Variants in MAF observed in about 807,000 individuals in gnomAD.
The protein encoded by MAF is MAF bZIP transcription factor, also known as transcription factor Maf.
In MAF, 10 loss-of-function variants were observed where a neutral mutation model predicts 22.0. The ratio of observed to expected loss-of-function variants is 0.45; its 90% confidence interval spans 0.28 to 0.77. The LOEUF (loss-of-function observed/expected upper bound fraction) is 0.77, where lower values mean the gene tolerates loss of function less well. MAF is among the 30% of genes least tolerant of loss of function. MAF has a pLI of 0.12. For missense variants in MAF, 544 were observed against 548.4 expected, an observed-to-expected ratio of 0.99 and a Z score of 0.08; for synonymous variants, 337 against 255.8, an observed-to-expected ratio of 1.32 and a Z score of -3.03.
At chr16:79,518,261 G>A in the MAF span, among the ~76,000 whole-genome samples, 4 of 152,228 alleles carry the variant, frequency 2.6e-5, no homozygotes, top group African/African-American at 9.6e-5. Flanking sequence ...ACCTGTGCCA[G>A]TGCATGATAC....
the MAF span, among the ~76,000 whole-genome samples, chr16:79,449,377 A>G: frequency 6.6e-6 from 1 of 152,316 alleles, no homozygotes; most frequent in Admixed American, 6.5e-5. Flanking sequence ...AACCAAAAAA[A>G]TCATGTGACT....
the MAF span, among the ~76,000 whole-genome samples, chr16:79,468,504 G>A: frequency 3.3e-5 from 5 of 152,220 alleles, no homozygotes; most frequent in African/African-American, 7.2e-5. Flanking sequence ...CCTCAAGAAT[G>A]TATTTTGGTG....
At chr16:79,332,962 C>T in the MAF span, among the ~76,000 whole-genome samples, 6 of 152,230 alleles carry the variant, frequency 3.9e-5, no homozygotes, top group Non-Finnish European at 7.3e-5. Context: ...TTTTGCACGT[C>T]ACTGCCCAGC....
chr16:79,425,663 AT>A, the MAF span, among the ~76,000 whole-genome samples: 6,405 of 145,418 alleles, frequency 0.044, 289 homozygotes, highest in African/African-American at 0.12. Context: ...ATCAATTTAG[AT>A]TTTTTTTTTT....
the MAF span, among the ~76,000 whole-genome samples, chr16:79,574,561 T>C: frequency 6.6e-6 from 1 of 152,256 alleles, no homozygotes; most frequent in South Asian, 2.1e-4. Flanking sequence ...ACTTCACTGA[T>C]TTCGTGAGAC....
the MAF span, among the ~76,000 whole-genome samples, chr16:79,268,793 C>T: frequency 6.6e-6 from 1 of 152,184 alleles, no homozygotes; most frequent in African/African-American, 2.4e-5. Flanking sequence ...CTGCCGGCCA[C>T]CTGGGGCAGC....
the MAF span, among the ~76,000 whole-genome samples, chr16:79,343,052 C>G: frequency 9.2e-5 from 14 of 152,304 alleles, no homozygotes; most frequent in African/African-American, 3.1e-4. Flanking sequence ...GTCACCTCAG[C>G]TAGCTGGAGA....
At chr16:79,213,576 C>G in the MAF span, among the ~76,000 whole-genome samples, 1 of 152,212 alleles carries the variant, frequency 6.6e-6, no homozygotes, top group Non-Finnish European at 1.5e-5. Context: ...CTGGGGCTTG[C>G]CTTTCCTTGT....
At chr16:79,529,506 G>A in the MAF span, among the ~76,000 whole-genome samples, 1 of 151,956 alleles carries the variant, frequency 6.6e-6, no homozygotes, top group Non-Finnish European at 1.5e-5. Context: ...TTTTTAATAG[G>A]GGCACTAATA....
the MAF span, among the ~76,000 whole-genome samples, chr16:79,408,091 A>AAAAAAC: frequency 6.7e-6 from 1 of 149,414 alleles, no homozygotes; most frequent in Non-Finnish European, 1.5e-5. Context: ...AAAAAAAAAA[A>AAAAAAC]AAAAAAAAAC....
chr16:79,566,672 C>A, the MAF span, among the ~76,000 whole-genome samples: 7 of 152,208 alleles, frequency 4.6e-5, no homozygotes, highest in African/African-American at 1.7e-4. Flanking sequence ...ATCCCCCAGC[C>A]TGAGTTAGTG....
the MAF span, chr16:79,204,311 C>G: frequency 2.6e-5 from 4 of 152,106 alleles, no homozygotes; most frequent in Admixed American, 2.0e-4. Flanking sequence ...CCGGTCAGTT[C>G]TAGAACGCTT....
intron 1 of MAF, chr16:79,586,012 T>C: frequency 1.6e-6 from 1 of 629,290 alleles, no homozygotes; most frequent in South Asian, 1.8e-5. Context: ...AAGAACAGTA[T>C]GCTACAGGCA....
the MAF span, among the ~76,000 whole-genome samples, chr16:79,246,956 G>T: frequency 6.6e-6 from 1 of 152,184 alleles, no homozygotes; most frequent in African/African-American, 2.4e-5. Flanking sequence ...TCTGTAGACA[G>T]GAGACAGAGT....
the MAF span, among the ~76,000 whole-genome samples, chr16:79,484,077 A>G: frequency 1.3e-5 from 2 of 152,164 alleles, no homozygotes; most frequent in African/African-American, 4.8e-5. Context: ...GCTTCCTCCC[A>G]TTCTCTCTCT....
At chr16:79,219,381 T>G in the MAF span, among the ~76,000 whole-genome samples, 1 of 151,862 alleles carries the variant, frequency 6.6e-6, no homozygotes, top group Non-Finnish European at 1.5e-5. Context: ...CATTTAAGAC[T>G]CACAGCTTTT....
chr16:79,348,764 A>G, the MAF span, among the ~76,000 whole-genome samples: 4 of 152,174 alleles, frequency 2.6e-5, no homozygotes, highest in Admixed American at 6.5e-5. Flanking sequence ...TTGAAAAGCA[A>G]TTCTAGTGAT....
At chr16:79,342,183 C>T in the MAF span, among the ~76,000 whole-genome samples, 25 of 152,310 alleles carry the variant, frequency 1.6e-4, no homozygotes, top group African/African-American at 5.1e-4. Context: ...GTGGCACACC[C>T]GGGGTCCCAA....
the MAF span, among the ~76,000 whole-genome samples, chr16:79,442,271 T>G: frequency 3.4e-4 from 52 of 152,342 alleles, no homozygotes; most frequent in South Asian, 0.011. Flanking sequence ...GACATAATCC[T>G]TGAAATAATT....
Sources: gnomAD v4.1 joint callset for allele counts (sites outside exome capture counted in the v4.1 genomes callset) on GRCh38, gnomAD v4.1.1 for gene constraint, MANE v1.5 for transcripts, NCBI Gene and HGNC (gene_info 2026-07-23, HGNC 2026-07-21) for gene names.